HMCN1: variants seen among roughly 807,000 people sequenced by gnomAD.
HMCN1 encodes hemicentin-1.
In HMCN1, 321 loss-of-function variants were observed where a neutral mutation model predicts 625.9. The observed-to-expected ratio is 0.51, with a 90% CI of 0.47 to 0.56. The LOEUF is 0.56. Ranked by LOEUF, HMCN1 falls within the 20% of genes least tolerant of loss-of-function variation. The pLI is 0.00. For synonymous variants in HMCN1, 2,425 were observed against 2,417.6 expected (o/e 1.00, Z -0.09); for missense variants, 6,588 against 6,887.3 (o/e 0.96, Z 1.54).
At chr1:185,740,738 A>G (rs1219984007) in intron 1 of HMCN1, among the ~76,000 whole-genome samples, 5 of 151,610 alleles carry the variant, frequency 3.3e-5, no homozygotes, top group African/African-American at 4.9e-5. Flanking sequence ...TCACACCTGT[A>G]ATCCCAGCAC....
chr1:185,948,203 G>A (rs1461899937), intron 11 of HMCN1, among the ~76,000 whole-genome samples: 2 of 152,082 alleles, frequency 1.3e-5, no homozygotes, highest in Non-Finnish European at 2.9e-5. Flanking sequence ...AATTAAATTC[G>A]AATGTTCTTT....
chr1:186,002,352 T>A (rs1042170979), intron 28 of HMCN1, among the ~76,000 whole-genome samples: 2 of 152,118 alleles, frequency 1.3e-5, no homozygotes, highest in Non-Finnish European at 2.9e-5. Context: ...AATGACATTC[T>A]CCCTTTTCAA....
chr1:185,916,706 A>G lies in HMCN1; in HGVS notation c.900+4926A>G, dbSNP rs183384877. ...TCTCTATCAGTCAAATTTTAATTCA[A>G]TTTATAAAAGGTAAGGTTTCATATT... On this transcript the variant is annotated intron_variant, in intron 6 of 106. Coordinates refer to ENST00000271588, the MANE Select transcript of HMCN1 (RefSeq NM_031935.3). Among the ~76,000 whole-genome samples the G allele has an allele frequency of 4.9e-3, 743 of 152,280 alleles. 4 individuals are homozygous for G. Among genetic ancestry groups the G allele is most frequent in the Non-Finnish European group, 6.0e-3 (407 of 68,018 alleles).
rs1377020991 is a variant in HMCN1, at chr1:186,016,109, T to G, written c.5061T>G (p.Asn1687Lys). ...KDGVPVKANDNIRIEAGGKKL... is the reference protein window; with the variant it reads ...KDGVPVKANDKIRIEAGGKKL... ...GTGTACCTGTGAAAGCTAATGACAA[T>G]ATCCGCATAGAAGCTGGTGGGAAGA... Residue 1687 changes from asparagine to lysine, a missense_variant, in exon 32 of 107, where the codon AAT (asparagine) becomes AAG (lysine). By Grantham distance (94) the Asn-to-Lys change is moderately conservative. This residue lies in a region of HMCN1 where 4,628 missense variants were observed against 4,853.1 expected (regional missense o/e 0.95). Coordinates refer to ENST00000271588, the MANE Select transcript of HMCN1 (RefSeq NM_031935.3). The G allele has an allele frequency of 4.3e-6, 7 of 1,613,348 alleles. No individual in the cohort carries two copies. The highest frequency in any genetic ancestry group is 5.9e-6 in the Non-Finnish European group (7 of 1,179,610).
chr1:186,107,125 G>T (rs1000119542), intron 70 of HMCN1, among the ~76,000 whole-genome samples, 160 bp downstream of exon 70: 8 of 151,676 alleles, frequency 5.3e-5, no homozygotes, highest in Admixed American at 3.9e-4. Context: ...TCGCTTTGTC[G>T]CCCAGGCTGG....
intron 105 of HMCN1, 133 bp from the exon 106 acceptor site, chr1:186,187,750 A>T: frequency 8.6e-7 from 1 of 1,162,468 alleles, no homozygotes; most frequent in Non-Finnish European, 1.3e-6. Context: ...AAAGAAGGTT[A>T]GGTATGACTA....
chr1:186,128,236 T>C lies in HMCN1; in HGVS notation c.12849T>C (p.Ala4283=), dbSNP rs1661743654. ...AACAGCTACGATTAAGCTGTAAAGCTACTGGTATTCCATTGCCCAAATTAA... is the reference window on the plus strand; with the variant it reads ...AACAGCTACGATTAAGCTGTAAAGCCACTGGTATTCCATTGCCCAAATTAA... The part of the protein sequence containing the change: ...KGEQLRLSCK[A]TGIPLPKLTW... Residue 4283 remains alanine (A), a synonymous_variant, in exon 83 of 107, where the codon GCT becomes GCC. Coordinates refer to ENST00000271588, the MANE Select transcript of HMCN1 (RefSeq NM_031935.3). 1.2e-6 allele frequency: 2 copies of C among 1,613,602 alleles called. No homozygotes were observed. The highest frequency in any genetic ancestry group is 1.7e-6 in the Non-Finnish European group (2 of 1,179,676).
chr1:186,151,481 G>A (rs894428975), intron 94 of HMCN1, 125 bp from the exon 95 acceptor site: 1 of 1,248,720 alleles, frequency 8.0e-7, no homozygotes, highest in East Asian at 2.4e-5. Flanking sequence ...CATACATGAG[G>A]TACTGGTATT....
In HMCN1 at chr1:185,734,608, T is replaced by G; in HGVS notation, c.-172T>G. The G allele has an allele frequency of 3.0e-6, 2 of 662,074 alleles. No homozygotes were observed. The allele number at this position is 662,074 out of a possible 1,614,324, so 41.0% of individuals were successfully genotyped here. ...CTGCCCTGCCCAACCCCTGGAGGGA[T>G]TCGAGTTTGGTGCTTGTCCCCGTCT... On this transcript the variant is annotated 5_prime_UTR_variant, in exon 1 of 107. Coordinates refer to ENST00000271588, the MANE Select transcript of HMCN1 (RefSeq NM_031935.3).
At position 186,153,780 on chromosome 1, in the gene HMCN1, C is replaced by T. The variant is rs1650818512; in HGVS notation, c.15049C>T (p.Pro5017Ser). ...CACAGAGGACTACATTCAAACAGGT[C>T]CTGGGCAGCTGTACGCCTACTCAAC... ...DYTEDYIQTG[P>S]GQLYAYSTRL... The change falls in exon 97 of 107, where the codon CCT becomes TCT. Residue 5017 changes from proline (P) to serine (S), a missense_variant. Pro to Ser is a moderately conservative substitution (Grantham distance 74, BLOSUM62 -1). Transcript: ENST00000271588. 1 of 1,614,078 alleles carries T rather than the reference C, an allele frequency of 6.2e-7. No homozygotes were observed.
At chr1:186,003,634 T>C in intron 28 of HMCN1, 84 bp from the exon 29 acceptor site, 1 of 1,293,992 alleles carries the variant, frequency 7.7e-7, no homozygotes, top group Non-Finnish European at 1.1e-6. Flanking sequence ...TGAAATACTA[T>C]AGAAATCATT....
chr1:185,865,744 G>A lies in HMCN1; in HGVS notation c.502G>A (p.Val168Ile), dbSNP rs764567562. 20 of 1,595,176 alleles carry A rather than the reference G, an allele frequency of 1.3e-5. No individual in the cohort carries two copies. Among genetic ancestry groups the A allele is most frequent in the Middle Eastern group, 3.3e-4 (2 of 6,012 alleles). The part of the protein sequence containing the change: ...QLIQQKQSQV[V>I]FVLTGDCDDR... ...CTTTTTTTTTTTTTAATCATAGGTC[G>A]TATTTGTTCTGACTGGAGATTGTGA... Residue 168 changes from valine to isoleucine, a missense_variant, in exon 4 of 107, where the codon GTA (valine) becomes ATA (isoleucine). Around this residue, in one of 3 missense-constraint regions of HMCN1, gnomAD observed 4,628 missense variants for 4,853.1 expected, o/e 0.95. Coordinates refer to ENST00000271588, the MANE Select transcript of HMCN1 (RefSeq NM_031935.3).
chr1:186,024,671 G>T (rs541961355), intron 36 of HMCN1, among the ~76,000 whole-genome samples: 3 of 152,218 alleles, frequency 2.0e-5, no homozygotes, highest in South Asian at 4.1e-4. Flanking sequence ...TGATTTTGGG[G>T]TTCAGAGATA....
At chr1:185,841,557 T>C (rs1000428079) in intron 1 of HMCN1, among the ~76,000 whole-genome samples, 3 of 152,176 alleles carry the variant, frequency 2.0e-5, no homozygotes, top group Non-Finnish European at 4.4e-5. Flanking sequence ...TTCTTTCTTT[T>C]TATTTTCCTC....
intron 97 of HMCN1, among the ~76,000 whole-genome samples, chr1:186,155,881 T>C (rs1006727699): frequency 1.3e-5 from 2 of 152,230 alleles, no homozygotes; most frequent in Non-Finnish European, 2.9e-5. Context: ...GAGCTAAGTA[T>C]GGTTGCAGTG....
chr1:186,170,540 A>G (rs988174160), intron 100 of HMCN1, among the ~76,000 whole-genome samples: 1 of 152,206 alleles, frequency 6.6e-6, no homozygotes, highest in African/African-American at 2.4e-5. Flanking sequence ...AAGACATAGA[A>G]CCAACCCAAA....
chr1:185,960,778 T>C (rs1337924234), intron 11 of HMCN1, among the ~76,000 whole-genome samples: 2 of 152,240 alleles, frequency 1.3e-5, no homozygotes, highest in African/African-American at 2.4e-5. Flanking sequence ...AGAAGCATTT[T>C]ATTTTAGGAA....
At chr1:185,874,725 A>T (rs528112594) in intron 4 of HMCN1, among the ~76,000 whole-genome samples, 1 of 152,014 alleles carries the variant, frequency 6.6e-6, no homozygotes, top group African/African-American at 2.4e-5. Flanking sequence ...AGGAAAAAAA[A>T]TTCAGAATTC....
chr1:186,087,754 A>T (rs1316807321), intron 60 of HMCN1, 109 bp downstream of exon 60: 1 of 1,247,586 alleles, frequency 8.0e-7, no homozygotes, highest in Non-Finnish European at 1.2e-6. Flanking sequence ...GATTTTCATT[A>T]AAAAAATACA....
Sources: allele counts gnomAD v4.1 joint callset (sites outside exome capture counted in the v4.1 genomes callset), GRCh38; gene constraint gnomAD v4.1.1; regional missense constraint gnomAD v4.1.1; transcripts MANE v1.5; gene names NCBI Gene and HGNC (gene_info 2026-07-23, HGNC 2026-07-21).